The following CNTN3 variants were observed in gnomAD, a reference collection of about 807,000 sequenced individuals.
CNTN3 encodes contactin-3.
A neutral mutation model predicts 119.1 loss-of-function variants in CNTN3; 60 were observed. The observed-to-expected ratio is 0.50, with a 90% CI of 0.41 to 0.62. The LOEUF (loss-of-function observed/expected upper bound fraction) is 0.62. CNTN3 is among the 20% of genes least tolerant of loss of function. The probability of loss-of-function intolerance (pLI) is 0.00; values close to 1 mark genes in which losing one functional copy is unlikely to be tolerated. For missense variants in CNTN3, 1,101 were observed against 1,242.4 expected, an observed-to-expected ratio of 0.89 and a Z score of 1.71; for synonymous variants, 450 against 438.7, an observed-to-expected ratio of 1.03 and a Z score of -0.32.
intron 10 of CNTN3, among the ~76,000 whole-genome samples, chr3:74,363,024 A>G (rs1704111263): frequency 6.6e-6 from 1 of 152,220 alleles, no homozygotes; most frequent in South Asian, 2.1e-4. Context: ...TTCTTCATAC[A>G]CAACAATCCC....
At chr3:74,401,506 A>G (rs12485864) in intron 5 of CNTN3, among the ~76,000 whole-genome samples, 57,752 of 150,086 alleles carry the variant, frequency 0.38, 11,603 homozygotes, top group East Asian at 0.62. Context: ...CACACCACAC[A>G]CGCGCGCACG....
intron 13 of CNTN3, among the ~76,000 whole-genome samples, chr3:74,303,110 C>A (rs1545384): frequency 0.16 from 24,939 of 152,160 alleles, 2,939 homozygotes; most frequent in East Asian, 0.49. Flanking sequence ...TTACTTGCAC[C>A]AGGGTGACAC....
intron 13 of CNTN3, among the ~76,000 whole-genome samples, chr3:74,313,584 T>A (rs1002629153): frequency 1.3e-5 from 2 of 152,176 alleles, no homozygotes; most frequent in Non-Finnish European, 2.9e-5. Flanking sequence ...AGAAAAGACA[T>A]ACAAATTTAT....
intron 11 of CNTN3, among the ~76,000 whole-genome samples, chr3:74,347,166 A>G (rs1253468711): frequency 2.0e-5 from 3 of 152,176 alleles, no homozygotes; most frequent in African/African-American, 7.2e-5. Flanking sequence ...ATCATTAGGT[A>G]GGAAATATTA....
intron 13 of CNTN3, among the ~76,000 whole-genome samples, chr3:74,334,346 T>C (rs1026138072): frequency 6.6e-6 from 1 of 152,150 alleles, no homozygotes; most frequent in African/African-American, 2.4e-5. Flanking sequence ...GCCTGACACA[T>C]TAATTGGGAT....
At chr3:74,306,133 T>C (rs1702558121) in intron 13 of CNTN3, among the ~76,000 whole-genome samples, 1 of 151,476 alleles carries the variant, frequency 6.6e-6, no homozygotes, top group Non-Finnish European at 1.5e-5. Flanking sequence ...AAACTAATTC[T>C]TTCCCCCATC....
Position 74,292,770 on chromosome 3 carries a change from T to C in CNTN3, c.2517+2351A>G, listed in dbSNP as rs367738615. 7.0e-4 allele frequency among the ~76,000 whole-genome samples: 106 copies of C among 152,352 alleles called. 1 individual carries two copies. Among genetic ancestry groups the C allele is most frequent in the African/African-American group, 2.4e-3 (100 of 41,590 alleles). On this transcript the variant is annotated intron_variant, in intron 19 of 22. Coordinates refer to ENST00000263665, the MANE Select transcript of CNTN3 (RefSeq NM_020872.3). The stretch of plus-strand genomic sequence containing the variant: ...CAAGTGGTAGAATTGGGATTTGCTA[T>C]GGGACTGGCCTCAGAGCCACAATCC...
chr3:74,321,484 A>C (rs1419607444), intron 13 of CNTN3, among the ~76,000 whole-genome samples: 1 of 152,110 alleles, frequency 6.6e-6, no homozygotes, highest in Non-Finnish European at 1.5e-5. Flanking sequence ...CAATAATCTA[A>C]GCTTTTTGCT....
chr3:74,473,692 G>A (rs759794798), intron 4 of CNTN3, among the ~76,000 whole-genome samples: 2 of 152,144 alleles, frequency 1.3e-5, no homozygotes, highest in Non-Finnish European at 2.9e-5. Context: ...GATGTAAAAT[G>A]TCAGGTAATC....
At chr3:74,379,732 G>A (rs747416287) in intron 5 of CNTN3, among the ~76,000 whole-genome samples, 1 of 152,182 alleles carries the variant, frequency 6.6e-6, no homozygotes, top group Admixed American at 6.5e-5. Context: ...AGATGAAGAA[G>A]TGTAATGATG....
chr3:74,363,621 G>A (rs1704124615), intron 10 of CNTN3, among the ~76,000 whole-genome samples: 1 of 152,100 alleles, frequency 6.6e-6, no homozygotes, highest in Non-Finnish European at 1.5e-5. Flanking sequence ...CCAATGGCAT[G>A]CAACACTTTG....
At chr3:74,504,624 T>C (rs1703220597) in intron 2 of CNTN3, among the ~76,000 whole-genome samples, 1 of 152,156 alleles carries the variant, frequency 6.6e-6, no homozygotes. Flanking sequence ...TTAACAAATA[T>C]CTGAATGCCA....
At chr3:74,591,528 G>C (rs1475849127) in intron 1 of CNTN3, among the ~76,000 whole-genome samples, 1 of 151,854 alleles carries the variant, frequency 6.6e-6, no homozygotes, top group Non-Finnish European at 1.5e-5. Context: ...GGGGAGAGGA[G>C]AGACCAGAGA....
intron 19 of CNTN3, among the ~76,000 whole-genome samples, chr3:74,285,814 TATATA>T (rs1702103366): frequency 8.5e-6 from 1 of 117,174 alleles, no homozygotes; most frequent in Admixed American, 7.9e-5. Context: ...TATATATATA[TATATA>T]TATATATATA....
intron 1 of CNTN3, among the ~76,000 whole-genome samples, chr3:74,581,014 G>A (rs1704496469): frequency 6.6e-6 from 1 of 152,190 alleles, no homozygotes; most frequent in Admixed American, 6.5e-5. Context: ...GAGCCACCAT[G>A]CTCAGCATGA....
At chr3:74,572,541 T>C (rs1347989704) in intron 1 of CNTN3, among the ~76,000 whole-genome samples, 2 of 152,080 alleles carry the variant, frequency 1.3e-5, no homozygotes, top group Non-Finnish European at 2.9e-5. Context: ...TGGTATACAA[T>C]ATTGTTCATG....
chr3:74,338,253 A>G (rs1184350142), intron 11 of CNTN3, among the ~76,000 whole-genome samples: 1 of 152,112 alleles, frequency 6.6e-6, no homozygotes, highest in Non-Finnish European at 1.5e-5. Flanking sequence ...TGAGGACATT[A>G]GACTAGAATG....
chr3:74,604,691 C>T (rs11929129), intron 1 of CNTN3, among the ~76,000 whole-genome samples: 2,498 of 152,108 alleles, frequency 0.016, 70 homozygotes, highest in African/African-American at 0.057. Flanking sequence ...AAACCTTGCA[C>T]ACTGACAGAG....
intron 1 of CNTN3, among the ~76,000 whole-genome samples, chr3:74,599,372 T>C (rs1704868117): frequency 6.6e-6 from 1 of 152,056 alleles, no homozygotes; most frequent in South Asian, 2.1e-4. Flanking sequence ...AATCTGAAAC[T>C]TGGTAGATGA....
Sources: gnomAD v4.1 joint callset for allele counts (sites outside exome capture counted in the v4.1 genomes callset) on GRCh38, gnomAD v4.1.1 for gene constraint, MANE v1.5 for transcripts, NCBI Gene and HGNC (gene_info 2026-07-23, HGNC 2026-07-21) for gene names.